Variants in EPHA6 observed in about 807,000 individuals in gnomAD.
EPHA6 encodes ephrin type-A receptor 6.
In EPHA6, 50 loss-of-function variants were observed where a neutral mutation model predicts 112.0. The observed-to-expected ratio is 0.45, with a 90% confidence interval of 0.36 to 0.56. EPHA6 has a LOEUF of 0.56. Among genes scored for constraint, EPHA6 ranks in the 20% least tolerant of loss-of-function variants. EPHA6 has a pLI of 0.00. For synonymous variants in EPHA6, 529 were observed against 490.7 expected, an observed-to-expected ratio of 1.08 and a Z score of -1.03; for missense variants, 1,280 against 1,417.4, an observed-to-expected ratio of 0.90 and a Z score of 1.56.
chr3:96,851,128 A>G (rs1228974446), intron 1 of EPHA6, among the ~76,000 whole-genome samples: 1 of 152,090 alleles, frequency 6.6e-6, no homozygotes, highest in African/African-American at 2.4e-5. Flanking sequence ...TCTGGGGACA[A>G]TTTAGTGGAT....
intron 10 of EPHA6, among the ~76,000 whole-genome samples, chr3:97,501,731 A>G (rs899590846): frequency 2.6e-5 from 4 of 152,200 alleles, no homozygotes; most frequent in Non-Finnish European, 5.9e-5. Context: ...TTATTTTAGA[A>G]ACAAAGAAAT....
chr3:97,579,010 T>C (rs181025191), intron 11 of EPHA6, among the ~76,000 whole-genome samples: 1 of 152,320 alleles, frequency 6.6e-6, no homozygotes, highest in East Asian at 1.9e-4. Flanking sequence ...ATTTCATGTT[T>C]ATTTCTCGAC....
At chr3:97,111,020 C>A (rs2047707864) in intron 3 of EPHA6, among the ~76,000 whole-genome samples, 1 of 151,954 alleles carries the variant, frequency 6.6e-6, no homozygotes, top group Non-Finnish European at 1.5e-5. Context: ...AATTTTTTCA[C>A]TATAGGGCTT....
At chr3:97,602,609 C>T (rs1441838596) in intron 12 of EPHA6, among the ~76,000 whole-genome samples, 2 of 152,048 alleles carry the variant, frequency 1.3e-5, no homozygotes, top group Non-Finnish European at 2.9e-5. Context: ...ACTCTCAGTG[C>T]ATCAGTAACC....
At chr3:97,514,229 G>C (rs1305116265) in intron 10 of EPHA6, among the ~76,000 whole-genome samples, 1 of 152,144 alleles carries the variant, frequency 6.6e-6, no homozygotes, top group Non-Finnish European at 1.5e-5. Context: ...AGCCTCTAAA[G>C]ATGGCCTTCA....
intron 5 of EPHA6, among the ~76,000 whole-genome samples, chr3:97,397,688 AAACTTTATGCATG>A (rs1284781472): frequency 6.6e-6 from 1 of 151,772 alleles, no homozygotes; most frequent in Admixed American, 6.6e-5. Context: ...AACAAAATCA[AAACTTTATGCATG>A]AACCGTGAAA....
At chr3:97,161,364 C>G (rs1183536101) in intron 3 of EPHA6, among the ~76,000 whole-genome samples, 1 of 152,104 alleles carries the variant, frequency 6.6e-6, no homozygotes, top group Non-Finnish European at 1.5e-5. Context: ...AGGAACTTGC[C>G]AAAGGCTCTA....
intron 3 of EPHA6, among the ~76,000 whole-genome samples, chr3:97,079,187 G>C (rs1370201010): frequency 1.3e-5 from 2 of 151,862 alleles, no homozygotes; most frequent in African/African-American, 4.8e-5. Context: ...CAATAGCAAA[G>C]ACATGGAATC....
intron 2 of EPHA6, among the ~76,000 whole-genome samples, chr3:96,890,518 A>G (rs1045499492): frequency 3.9e-5 from 6 of 152,264 alleles, no homozygotes; most frequent in African/African-American, 1.4e-4. Flanking sequence ...TGTGGTACAT[A>G]TAATATTTAT....
intron 10 of EPHA6, among the ~76,000 whole-genome samples, chr3:97,509,487 T>C (rs1163897338): frequency 6.6e-6 from 1 of 152,146 alleles, no homozygotes; most frequent in East Asian, 1.9e-4. Flanking sequence ...TGAAAATTCA[T>C]TTATTTAAGA....
At chr3:97,098,161 A>G (rs1220399901) in intron 3 of EPHA6, among the ~76,000 whole-genome samples, 4 of 151,872 alleles carry the variant, frequency 2.6e-5, no homozygotes, top group South Asian at 2.1e-4. Context: ...GTGAATAGCA[A>G]TGCGGCATAT....
At chr3:97,550,528 A>T (rs2093015263) in intron 11 of EPHA6, among the ~76,000 whole-genome samples, 1 of 152,204 alleles carries the variant, frequency 6.6e-6, no homozygotes, top group Non-Finnish European at 1.5e-5. Context: ...AAGGCCTATG[A>T]CCTGAGAAGG....
intron 3 of EPHA6, among the ~76,000 whole-genome samples, chr3:97,076,213 A>G (rs2046520031): frequency 6.6e-6 from 1 of 152,188 alleles, no homozygotes; most frequent in South Asian, 2.1e-4. Context: ...CAGATTGCCA[A>G]ATTGTGGGTG....
Position 96,964,415 on chromosome 3 carries a change from A to G in EPHA6, c.451-22915A>G, listed in dbSNP as rs111977886. 6.3e-3 allele frequency among the ~76,000 whole-genome samples: 956 copies of G among 152,220 alleles called. 11 individuals carry two copies. Among genetic ancestry groups the G allele is most frequent in the African/African-American group, 0.021 (874 of 41,532 alleles). On this transcript the variant is annotated intron_variant, in intron 2 of 17. Coordinates refer to ENST00000389672, the MANE Select transcript of EPHA6 (RefSeq NM_001080448.3). ...TTTGTTCATCTTAGACAACTGTTCTATTTTGTTTGAGGGGGAAACTTTAAT... is the reference window on the plus strand; with the variant it reads ...TTTGTTCATCTTAGACAACTGTTCTGTTTTGTTTGAGGGGGAAACTTTAAT...
chr3:97,522,224 T>C (rs1406514902), intron 10 of EPHA6, among the ~76,000 whole-genome samples: 2 of 152,188 alleles, frequency 1.3e-5, no homozygotes, highest in Admixed American at 1.3e-4. Flanking sequence ...GAAGTGTTAA[T>C]TGTTGCTCCA....
At position 97,502,039 on chromosome 3, in the gene EPHA6, C is replaced by G. The variant is rs967708342; in HGVS notation, c.2200+17980C>G. Among the ~76,000 whole-genome samples the G allele has an allele frequency of 1.4e-4, 21 of 151,982 alleles. 1 individual carries two copies. The highest frequency in any genetic ancestry group is 3.4e-3 in the Middle Eastern group (1 of 294). The stretch of plus-strand genomic sequence containing the variant: ...ATGATGGATCCTCACGACATTACCC[C>G]CTATACCCAGGGCTTACGTACCACA... On this transcript the variant is annotated intron_variant, in intron 10 of 17. Coordinates refer to ENST00000389672, the MANE Select transcript of EPHA6 (RefSeq NM_001080448.3).
At chr3:97,299,060 A>C (rs1199990380) in intron 5 of EPHA6, among the ~76,000 whole-genome samples, 1 of 152,080 alleles carries the variant, frequency 6.6e-6, no homozygotes, top group East Asian at 1.9e-4. Flanking sequence ...TGATCTTATA[A>C]ATTTTTTCTC....
In EPHA6 at chr3:96,987,964, G is replaced by T; in HGVS notation, c.1085G>T (p.Gly362Val). ...CTTGGAAGGTGCATCTGCAGTACAG[G>T]ATATGAAGAAATTGAGGGTTCTTGC... ...VPLGRCICST[G>V]YEEIEGSCHA... The change falls in exon 3 of 18, where the codon GGA (glycine) becomes GTA (valine). Residue 362 changes from glycine to valine, a missense_variant. Around this residue, in one of 4 missense-constraint regions of EPHA6, gnomAD observed 878 missense variants for 999.7 expected, o/e 0.88. Transcript: ENST00000389672. 6.3e-7 allele frequency: 1 copy of T among 1,577,550 alleles called. No homozygotes were observed. Among genetic ancestry groups the T allele is most frequent in the Non-Finnish European group, 8.6e-7 (1 of 1,157,152 alleles).
chr3:97,209,912 T>G (rs1157505995), intron 3 of EPHA6, among the ~76,000 whole-genome samples: 1 of 152,210 alleles, frequency 6.6e-6, no homozygotes, highest in African/African-American at 2.4e-5. Context: ...GAAAGACGAA[T>G]GTCTTACTTA....
Sources: allele counts gnomAD v4.1 joint callset (sites outside exome capture counted in the v4.1 genomes callset), GRCh38; gene constraint gnomAD v4.1.1; regional missense constraint gnomAD v4.1.1; transcripts MANE v1.5; gene names NCBI Gene and HGNC (gene_info 2026-07-23, HGNC 2026-07-21).